The following PPARGC1B variants were observed in gnomAD, a reference collection of about 807,000 sequenced individuals.
PPARGC1B encodes the protein peroxisome proliferator-activated receptor gamma coactivator 1-beta.
Under a neutral mutation model 101.6 loss-of-function variants are expected in PPARGC1B, and 34 were observed. That is an observed-to-expected ratio of 0.33 (90% CI 0.25 to 0.45). The LOEUF (loss-of-function observed/expected upper bound fraction) is 0.45. PPARGC1B is among the 20% of genes least tolerant of loss of function. The pLI is 1.00. For synonymous variants in PPARGC1B, 548 were observed against 539.3 expected (o/e 1.02, Z -0.22); for missense variants, 1,234 against 1,317.6 (o/e 0.94, Z 0.98).
At chr5:149,834,074 T>C (rs1758942452) in intron 5 of PPARGC1B, among the ~76,000 whole-genome samples, 1 of 152,192 alleles carries the variant, frequency 6.6e-6, no homozygotes, top group Non-Finnish European at 1.5e-5. Context: ...ATTACAAAAT[T>C]GCAATAGGTA....
At chr5:149,754,106 C>T (rs1755420433) in intron 1 of PPARGC1B, among the ~76,000 whole-genome samples, 1 of 152,234 alleles carries the variant, frequency 6.6e-6, no homozygotes, top group African/African-American at 2.4e-5. Flanking sequence ...CACACCTTCA[C>T]CCACACAGCA....
At chr5:149,840,534 C>T (rs1195830570) in intron 9 of PPARGC1B, among the ~76,000 whole-genome samples, 10 of 152,174 alleles carry the variant, frequency 6.6e-5, no homozygotes, top group Admixed American at 6.5e-4. Context: ...CACTTTTCCT[C>T]ATTTGTACGT....
intron 3 of PPARGC1B, among the ~76,000 whole-genome samples, chr5:149,828,370 G>A (rs1758610915): frequency 1.3e-5 from 2 of 152,144 alleles, no homozygotes; most frequent in African/African-American, 2.4e-5. Context: ...TCTAAGCCTC[G>A]GCTTCCTGAT....
At chr5:149,834,520 C>T (rs1027819861) in intron 5 of PPARGC1B, among the ~76,000 whole-genome samples, 154 bp from the exon 6 acceptor site, 5 of 152,256 alleles carry the variant, frequency 3.3e-5, no homozygotes, top group African/African-American at 1.2e-4. Context: ...TTGAGTTGTT[C>T]TGCCCTTCTC....
At chr5:149,799,690 GTTGTTTTTTTT>G (rs1757361981) in intron 1 of PPARGC1B, among the ~76,000 whole-genome samples, 2 of 65,070 alleles carry the variant, frequency 3.1e-5, no homozygotes, top group African/African-American at 1.1e-4. Context: ...TTTGCTTGTT[GTTGTTTTTTTT>G]TTTTTTTTTT....
At position 149,853,615 on chromosome 5, in the gene PPARGC1B, A is replaced by G. The variant is rs1759849176; in HGVS notation, c.*6057A>G. Reference sequence around the variant, plus strand: ...GGGGGGCCTGGCCATGATCTTTGATATGATCCCCGAATAGCCAAATAGTTT... The same window carrying G: ...GGGGGGCCTGGCCATGATCTTTGATGTGATCCCCGAATAGCCAAATAGTTT... On this transcript the variant is annotated 3_prime_UTR_variant, in exon 12 of 12. Transcript: ENST00000309241. This position sits in a 1 kb window ranked among gnomAD's most constrained non-coding sequence, Gnocchi z 4.2. The G allele has an allele frequency of 6.6e-6, 1 of 152,262 alleles. No individual in the cohort carries two copies. The highest frequency in any genetic ancestry group is 1.5e-5 in the Non-Finnish European group (1 of 68,056). 9.4% of individuals were successfully genotyped at this position (152,262 alleles called of 1,614,324 possible). A position where few individuals can be genotyped will look rare whatever the true frequency, so the allele number is the denominator to read the frequency against.
chr5:149,753,046 T>G (rs1016576026), intron 1 of PPARGC1B, among the ~76,000 whole-genome samples: 1 of 152,168 alleles, frequency 6.6e-6, no homozygotes, highest in Admixed American at 6.5e-5. Context: ...TATTTTTTGT[T>G]TTTTGCACAA....
intron 1 of PPARGC1B, among the ~76,000 whole-genome samples, chr5:149,748,048 G>A (rs1375266824): frequency 6.6e-6 from 1 of 152,132 alleles, no homozygotes; most frequent in East Asian, 1.9e-4. Context: ...TGCTCAGCTG[G>A]CCTGCCAGAA....
chr5:149,835,202 G>A, intron 6 of PPARGC1B, 99 bp from the exon 7 acceptor site: 1 of 1,059,910 alleles, frequency 9.4e-7, no homozygotes, highest in Non-Finnish European at 1.5e-6. Context: ...GTGGAACCAG[G>A]GCCTGTCACA....
At position 149,833,762 on chromosome 5, in the gene PPARGC1B, G is replaced by T. The variant is rs141793447; in HGVS notation, c.1689G>T (p.Pro563=). Residue 563 remains proline (P), a synonymous_variant, in exon 5 of 12, where the codon CCG becomes CCT. Transcript: ENST00000309241. This position sits in a 1 kb window ranked among gnomAD's most constrained non-coding sequence, Gnocchi z 4.1. ...CGDMDEDPSC[P]QLPPRDSPRC... is the part of the protein sequence containing the mutation. ...ACATGGATGAGGACCCCAGCTGCCC[G>T]CAGCTCCCTCCCAGAGGTAGTCAGA... 4 of 1,534,900 alleles carry T rather than the reference G, an allele frequency of 2.6e-6. No individual in the cohort carries two copies. The Admixed American group carries it at 7.7e-5, about 30-fold the overall frequency.
chr5:149,847,567 T>G lies in PPARGC1B; in HGVS notation c.*9T>G. ...AGCAGAGCCTGCATTGATAACAGCCTTAACCCTCGAGGAATACCTCAATAC... is the reference window on the plus strand; with the variant it reads ...AGCAGAGCCTGCATTGATAACAGCCGTAACCCTCGAGGAATACCTCAATAC... On this transcript the variant is annotated 3_prime_UTR_variant, in exon 12 of 12. Transcript: ENST00000309241. The G allele has an allele frequency of 6.2e-7, 1 of 1,604,142 alleles. No homozygotes were observed. Among genetic ancestry groups the G allele is most frequent in the Non-Finnish European group, 8.5e-7 (1 of 1,171,034 alleles).
intron 1 of PPARGC1B, among the ~76,000 whole-genome samples, chr5:149,794,082 C>G (rs899949806): frequency 1.3e-5 from 2 of 152,108 alleles, no homozygotes; most frequent in African/African-American, 4.8e-5. Context: ...TCTTATGGCT[C>G]GAAAGTCTAA....
intron 8 of PPARGC1B, among the ~76,000 whole-genome samples, chr5:149,838,164 G>A (rs929550103): frequency 6.6e-6 from 1 of 152,098 alleles, no homozygotes; most frequent in Admixed American, 6.6e-5. Context: ...TCAGCTTTAT[G>A]TTTATACATC....
chr5:149,823,512 A>T (rs1319436116), intron 2 of PPARGC1B, among the ~76,000 whole-genome samples: 3 of 152,112 alleles, frequency 2.0e-5, no homozygotes, highest in Non-Finnish European at 4.4e-5. Flanking sequence ...CTCCTGCTTG[A>T]GATCAGCTCA....
intron 1 of PPARGC1B, among the ~76,000 whole-genome samples, chr5:149,784,654 A>G (rs1237573708): frequency 7.5e-6 from 1 of 132,486 alleles, no homozygotes; most frequent in Non-Finnish European, 1.5e-5. Flanking sequence ...TGCAAGATCC[A>G]CCTCCTGGGT....
chr5:149,771,657 T>C (rs1194479863), intron 1 of PPARGC1B, among the ~76,000 whole-genome samples: 1 of 152,214 alleles, frequency 6.6e-6, no homozygotes, highest in East Asian at 1.9e-4. Flanking sequence ...AAGAGGAGTA[T>C]TTTCTTTTCC....
chr5:149,786,505 G>A (rs560526311), intron 1 of PPARGC1B, among the ~76,000 whole-genome samples: 1 of 152,330 alleles, frequency 6.6e-6, no homozygotes, highest in African/African-American at 2.4e-5. Context: ...CCGAAGTGCT[G>A]GGATTACAGG....
At chr5:149,813,397 G>C (rs542077328) in intron 1 of PPARGC1B, among the ~76,000 whole-genome samples, 1 of 152,172 alleles carries the variant, frequency 6.6e-6, no homozygotes, top group Admixed American at 6.5e-5. Context: ...ATCCCAGGCC[G>C]ACCTGAAGAG....
chr5:149,779,012 A>G (rs998638878), intron 1 of PPARGC1B, among the ~76,000 whole-genome samples: 17 of 152,144 alleles, frequency 1.1e-4, no homozygotes, highest in African/African-American at 4.1e-4. Flanking sequence ...TGTTACTCCC[A>G]ATAAGGCCTA....
Sources: gnomAD v4.1 joint callset for allele counts (sites outside exome capture counted in the v4.1 genomes callset) on GRCh38, gnomAD v4.1.1 for gene constraint, Gnocchi (gnomAD v3.1) non-coding constraint, MANE v1.5 for transcripts, NCBI Gene and HGNC (gene_info 2026-07-23, HGNC 2026-07-21) for gene names.